ZNF227: variants seen among roughly 807,000 people sequenced by gnomAD.
ZNF227 encodes the protein zinc finger protein 227.
A neutral mutation model predicts 13.2 loss-of-function variants in ZNF227; 12 were observed. That is an observed-to-expected ratio of 0.91 (90% CI 0.58 to 1.47). The LOEUF (loss-of-function observed/expected upper bound fraction) is 1.47, where lower values mean the gene tolerates loss of function less well. Ranked by LOEUF, ZNF227 falls within the 40% of genes most tolerant of loss-of-function variation. The pLI, the probability that ZNF227 is intolerant of heterozygous loss-of-function variation, is 0.00. For missense variants in ZNF227, 885 were observed against 967.5 expected, an observed-to-expected ratio of 0.91 and a Z score of 1.13; for synonymous variants, 338 against 326.0, an observed-to-expected ratio of 1.04 and a Z score of -0.40.
Position 44,215,169 on chromosome 19 carries a change from GT to G in ZNF227, c.-3+1941del, listed in dbSNP as rs35264039. 3.5e-3 allele frequency among the ~76,000 whole-genome samples: 476 copies of G among 137,924 alleles called. 2 individuals carry two copies. Among genetic ancestry groups the G allele is most frequent in the East Asian group, 0.033 (155 of 4,678 alleles). The allele number at this position is 137,924 out of a possible 152,430, so 90.5% of individuals were successfully genotyped here. On this transcript the variant is annotated intron_variant, in intron 2 of 5. Transcript: ENST00000313040. ...AAAGCATACGCCAGACATCAGGTCAGTTTTTTTTTTTTTTTTGAAACGGAGT... is the reference window on the plus strand; with the variant it reads ...AAAGCATACGCCAGACATCAGGTCAGTTTTTTTTTTTTTTTGAAACGGAGT...
chr19:44,235,620 T>C lies in ZNF227; in HGVS notation c.1190T>C (p.Val397Ala). ...KGFGWSVNLR[V>A]HQRVHRGEKP... Reference sequence around the variant, plus strand: ...TTCGGTTGGAGTGTTAATCTCCGTGTTCACCAGAGGGTCCACAGGGGTGAG... The same window carrying C: ...TTCGGTTGGAGTGTTAATCTCCGTGCTCACCAGAGGGTCCACAGGGGTGAG... Residue 397 changes from valine to alanine, a missense_variant, in exon 6 of 6, where the codon GTT (valine) becomes GCT (alanine). Physicochemically the swap from Val to Ala is moderately conservative, Grantham distance 64. Coordinates refer to ENST00000313040, the MANE Select transcript of ZNF227 (RefSeq NM_182490.3). 1 of 1,613,998 alleles carries C rather than the reference T, an allele frequency of 6.2e-7. No individual in the cohort carries two copies. Among genetic ancestry groups the C allele is most frequent in the Non-Finnish European group, 8.5e-7 (1 of 1,179,988 alleles).
intron 4 of ZNF227, chr19:44,228,823 T>C (rs1169912440): frequency 4.3e-6 from 2 of 460,938 alleles, no homozygotes; most frequent in Non-Finnish European, 7.4e-6. Context: ...CTGGAAATGG[T>C]TGTCACACCT....
intron 3 of ZNF227, among the ~76,000 whole-genome samples, chr19:44,222,344 T>C (rs1212726869): frequency 6.6e-6 from 1 of 152,140 alleles, no homozygotes; most frequent in African/African-American, 2.4e-5. Context: ...ATCTATAAAT[T>C]ACCTTGGGCA....
intron 2 of ZNF227, among the ~76,000 whole-genome samples, chr19:44,215,098 C>T (rs1971728946): frequency 6.6e-6 from 1 of 151,922 alleles, no homozygotes; most frequent in Non-Finnish European, 1.5e-5. Flanking sequence ...AATTATCTTC[C>T]GTGAAACTGG....
rs906356653 is a variant in ZNF227, at chr19:44,217,623, G to C, written c.-2-168G>C. On this transcript the variant is annotated intron_variant, in intron 2 of 5. Transcript: ENST00000313040. Reference sequence around the variant, plus strand: ...TGTGCAGACTGTTCACTGCCCAATGGCACTGAACTATCATGCCATTTAGTA... The same window carrying C: ...TGTGCAGACTGTTCACTGCCCAATGCCACTGAACTATCATGCCATTTAGTA... The C allele has an allele frequency of 5.0e-6, 4 of 797,982 alleles. No individual in the cohort carries two copies. The African/African-American group carries it at 6.7e-5, about 13-fold the overall frequency. 49.4% of individuals were successfully genotyped at this position (797,982 alleles called of 1,614,324 possible).
At position 44,236,581 on chromosome 19, in the gene ZNF227, A is replaced by G. The variant is rs752962702; in HGVS notation, c.2151A>G (p.Ile717Met). Reference sequence around the variant, plus strand: ...TCCACACGGGAGAGAAACCCCATATATGTGAGGAGTGTGGTAAGGCCTTCA... The same window carrying G: ...TCCACACGGGAGAGAAACCCCATATGTGTGAGGAGTGTGGTAAGGCCTTCA... ...QRVHTGEKPH[I>M]CEECGKAFSL... The change falls in exon 6 of 6, where the codon ATA (isoleucine) becomes ATG (methionine). Residue 717 changes from isoleucine (I) to methionine (M), a missense_variant. Transcript: ENST00000313040. The G allele has an allele frequency of 6.2e-7, 1 of 1,614,064 alleles. No homozygotes were observed. The highest frequency in any genetic ancestry group is 8.5e-7 in the Non-Finnish European group (1 of 1,180,012).
intron 3 of ZNF227, among the ~76,000 whole-genome samples, chr19:44,220,774 C>T (rs1259898209): frequency 6.6e-6 from 1 of 152,122 alleles, no homozygotes; most frequent in African/African-American, 2.4e-5. Context: ...CGTCATTTAG[C>T]ATTAGGTATA....
In ZNF227 at chr19:44,236,399, GAAA is replaced by G. The variant is rs1450750565; in HGVS notation, c.1971_1973del (p.Lys658del). ...ATCCCATCAGAGAGTCCACACGGGG[GAAA>G]AGCCATACAAATGTGATGTGTGTGG... On this transcript the variant is annotated inframe_deletion, in exon 6 of 6. Transcript: ENST00000313040. The G allele has an allele frequency of 6.2e-7, 1 of 1,613,918 alleles. No homozygotes were observed. The highest frequency in any genetic ancestry group is 8.5e-7 in the Non-Finnish European group (1 of 1,180,018).
chr19:44,216,038 AAGC>A, intron 2 of ZNF227, among the ~76,000 whole-genome samples: 1 of 149,982 alleles, frequency 6.7e-6, no homozygotes, highest in East Asian at 2.0e-4. Context: ...AAAAAAAAAA[AAGC>A]TATGTTTTTA....
At chr19:44,232,162 A>C (rs1203538352) in intron 5 of ZNF227, among the ~76,000 whole-genome samples, 1 of 152,258 alleles carries the variant, frequency 6.6e-6, no homozygotes, top group Non-Finnish European at 1.5e-5. Flanking sequence ...AGAAAATTCC[A>C]GAATTTCTAA....
chr19:44,214,374 CT>C (rs918025743), intron 2 of ZNF227, among the ~76,000 whole-genome samples: 1 of 148,704 alleles, frequency 6.7e-6, no homozygotes, highest in Non-Finnish European at 1.5e-5. Context: ...TTTCTTTTTT[CT>C]TTTTTTTTCT....
chr19:44,222,116 A>C (rs1418674369), intron 3 of ZNF227, among the ~76,000 whole-genome samples: 1 of 151,652 alleles, frequency 6.6e-6, no homozygotes, highest in African/African-American at 2.4e-5. Flanking sequence ...TGTTCCATTG[A>C]TCTATATCTC....
chr19:44,212,320 A>C (rs914854872), upstream of ZNF227, among the ~76,000 whole-genome samples: 14 of 150,190 alleles, frequency 9.3e-5, no homozygotes, highest in Non-Finnish European at 1.9e-4. Context: ...GGGAGCTCCG[A>C]GAATTTTGTC....
At chr19:44,217,672 C>A in intron 2 of ZNF227, 119 bp from the exon 3 acceptor site, 1 of 1,078,552 alleles carries the variant, frequency 9.3e-7, no homozygotes, top group Non-Finnish European at 1.4e-6. Context: ...CCATGTTCTG[C>A]TTACCAAGCT....
chr19:44,236,779 C>T lies in ZNF227; in HGVS notation c.2349C>T (p.His783=), dbSNP rs1186335177. 6.2e-7 allele frequency: 1 copy of T among 1,607,108 alleles called. No individual in the cohort carries two copies. ...ACATATGTGATAAGGACTTCCGTCA[C>T]CGTTCACGTCTTACATATCATCAGA... The part of the protein sequence containing the change: ...KCDICDKDFR[H]RSRLTYHQKV... The change falls in exon 6 of 6, where the codon CAC becomes CAT. Residue 783 remains histidine, a synonymous_variant. Coordinates refer to ENST00000313040, the MANE Select transcript of ZNF227 (RefSeq NM_182490.3).
Position 44,236,950 on chromosome 19 carries a change from G to T in ZNF227, c.*120G>T, listed in dbSNP as rs910221403. ...GTGGAAGGGGGTTTGTTCACACTTG[G>T]AATCTTTCTAACAAATCCATCAAGA... On this transcript the variant is annotated 3_prime_UTR_variant, in exon 6 of 6. Transcript: ENST00000313040. 2.7e-6 allele frequency: 2 copies of T among 746,904 alleles called. No homozygotes were observed. The highest frequency in any genetic ancestry group is 6.0e-5 in the Admixed American group (2 of 33,352). The allele number at this position is 746,904 out of a possible 1,614,324, so 46.3% of individuals were successfully genotyped here.
chr19:44,212,400 A>C (rs1246903457), upstream of ZNF227: 1 of 136,084 alleles, frequency 7.3e-6, no homozygotes, highest in Non-Finnish European at 1.5e-5. Flanking sequence ...TTCAAGCGCG[A>C]AGAGGGCGGC....
At chr19:44,219,382 G>A (rs1190865265) in intron 3 of ZNF227, among the ~76,000 whole-genome samples, 6 of 152,068 alleles carry the variant, frequency 3.9e-5, no homozygotes, top group African/African-American at 7.2e-5. Flanking sequence ...GCAGCAAACC[G>A]GTGGCATATA....
At chr19:44,218,991 G>A (rs556084591) in intron 3 of ZNF227, among the ~76,000 whole-genome samples, 6 of 152,276 alleles carry the variant, frequency 3.9e-5, no homozygotes, top group Admixed American at 3.3e-4. Context: ...AGGTTCAAGC[G>A]ATTCTCCTGC....
Sources: allele counts gnomAD v4.1 joint callset (sites outside exome capture counted in the v4.1 genomes callset), GRCh38; gene constraint gnomAD v4.1.1; transcripts MANE v1.5; gene names NCBI Gene and HGNC (gene_info 2026-07-23, HGNC 2026-07-21).